Variants in EVC observed in about 807,000 individuals in gnomAD.
EVC encodes evC complex member EVC.
In EVC, 116 loss-of-function variants were observed where a neutral mutation model predicts 118.9. The ratio of observed to expected loss-of-function variants is 0.98; its 90% confidence interval spans 0.84 to 1.14. The LOEUF (loss-of-function observed/expected upper bound fraction) is 1.14, where lower values mean the gene tolerates loss of function less well. Among genes scored for constraint, EVC ranks in the 50% most tolerant of loss-of-function variants. EVC has a pLI of 0.00. For missense variants in EVC, 1,401 were observed against 1,246.4 expected (o/e 1.12, Z -1.87); for synonymous variants, 619 against 534.7 (o/e 1.16, Z -2.18).
At chr4:5,715,934 G>A (rs1326914695) in intron 1 of EVC, among the ~76,000 whole-genome samples, 1 of 152,018 alleles carries the variant, frequency 6.6e-6, no homozygotes. Context: ...AGTAGAGATG[G>A]GGTTTCACCA....
chr4:5,825,609 G>A, the EVC span: 6 of 1,605,412 alleles, frequency 3.7e-6, no homozygotes, highest in East Asian at 2.3e-5. This position sits in a 1 kb window ranked among gnomAD's most constrained non-coding sequence, Gnocchi z 4.4. Context: ...CTGGTACCTC[G>A]TACACAGGAC....
rs545578336 is a variant in EVC, at chr4:5,813,065, A to C, written c.*2028A>C. 2 of 152,174 alleles carry C rather than the reference A, an allele frequency of 1.3e-5. No individual in the cohort carries two copies. The highest frequency in any genetic ancestry group is 4.8e-5 in the African/African-American group (2 of 41,424). 9.4% of individuals were successfully genotyped at this position (152,174 alleles called of 1,614,324 possible). On this transcript the variant is annotated 3_prime_UTR_variant, in exon 21 of 21. Transcript: ENST00000264956. ...GACTCCTTCCCAGTGGCCAAAACTTAATCATCAGAGCGCTTCCTTCAGTTC... is the reference window on the plus strand; with the variant it reads ...GACTCCTTCCCAGTGGCCAAAACTTCATCATCAGAGCGCTTCCTTCAGTTC...
intron 12 of EVC, among the ~76,000 whole-genome samples, chr4:5,786,871 CA>C (rs375303542): frequency 2.8e-3 from 265 of 95,166 alleles, no homozygotes; most frequent in African/African-American, 6.7e-3. Flanking sequence ...GACTCCGTCT[CA>C]AAAAAAAAAA....
intron 5 of EVC, among the ~76,000 whole-genome samples, chr4:5,733,684 C>T (rs1028057062): frequency 1.3e-5 from 2 of 152,136 alleles, no homozygotes; most frequent in African/African-American, 4.8e-5. Context: ...AGATGAGTGC[C>T]TCCTCCCGGG....
chr4:5,825,838 G>T, the EVC span: 1 of 625,076 alleles, frequency 1.6e-6, no homozygotes. The surrounding 1 kb of genome is among the most constrained non-coding windows in gnomAD (Gnocchi z 4.4). Flanking sequence ...GCCGCACACA[G>T]GCATTCATAC....
intron 13 of EVC, among the ~76,000 whole-genome samples, chr4:5,794,190 T>G (rs1713321764): frequency 7.1e-6 from 1 of 140,712 alleles, no homozygotes; most frequent in African/African-American, 2.6e-5. Context: ...TCCAATTTGC[T>G]GGAAAGTATT....
At chr4:5,753,956 G>A in intron 10 of EVC, 23 bp downstream of exon 10, 7 of 1,612,298 alleles carry the variant, frequency 4.3e-6, no homozygotes, top group Non-Finnish European at 5.1e-6. Context: ...CCCAGCCTCT[G>A]CACATGTGGG....
chr4:5,768,635 T>G (rs1408167011), intron 11 of EVC, among the ~76,000 whole-genome samples: 2 of 151,918 alleles, frequency 1.3e-5, no homozygotes, highest in Admixed American at 6.6e-5. Flanking sequence ...GGCAAGCGGA[T>G]CACTTGAGGT....
intron 12 of EVC, among the ~76,000 whole-genome samples, chr4:5,785,706 A>G (rs1036770381): frequency 3.3e-5 from 5 of 152,238 alleles, no homozygotes; most frequent in Admixed American, 6.5e-5. Context: ...GACACCACCT[A>G]TTCAAAGCCC....
chr4:5,805,540 G>A (rs752721761), intron 17 of EVC, among the ~76,000 whole-genome samples: 15 of 152,202 alleles, frequency 9.9e-5, no homozygotes, highest in Non-Finnish European at 1.9e-4. Context: ...TCAGATGTGG[G>A]GCGCAGAAGC....
Position 5,719,466 on chromosome 4 carries a change from C to G in EVC, c.300+93C>G, listed in dbSNP as rs1046662800. The G allele has an allele frequency of 1.9e-6, 3 of 1,584,438 alleles. No individual in the cohort carries two copies. The African/African-American group carries it at 4.0e-5, about 21-fold the overall frequency. Reference sequence around the variant, plus strand: ...GGGTGTCATGTAGACAAGCCTCTGACAGATATAGTTTCCCAATGGGCTGCT... The same window carrying G: ...GGGTGTCATGTAGACAAGCCTCTGAGAGATATAGTTTCCCAATGGGCTGCT... On this transcript the variant is annotated intron_variant, in intron 2 of 20. Coordinates refer to ENST00000264956, the MANE Select transcript of EVC (RefSeq NM_153717.3). The surrounding 1 kb of genome is among the most constrained non-coding windows in gnomAD (Gnocchi z 4.7).
chr4:5,745,156 A>G, intron 6 of EVC, 48 bp from the exon 7 acceptor site: 1 of 1,583,002 alleles, frequency 6.3e-7, no homozygotes, highest in South Asian at 1.1e-5. Context: ...AAGACACGCT[A>G]AACTTTTTCT....
At chr4:5,769,015 T>C (rs545165235) in intron 11 of EVC, among the ~76,000 whole-genome samples, 1 of 152,144 alleles carries the variant, frequency 6.6e-6, no homozygotes, top group South Asian at 2.1e-4. Flanking sequence ...ATGACACTGA[T>C]CATGATATTG....
chr4:5,769,237 A>G (rs1428595853), intron 11 of EVC, among the ~76,000 whole-genome samples: 1 of 152,154 alleles, frequency 6.6e-6, no homozygotes, highest in Non-Finnish European at 1.5e-5. Flanking sequence ...AAGAGAGAGC[A>G]TGTGCAGGGG....
In EVC at chr4:5,778,928, T is replaced by C. The variant is rs1205813534; in HGVS notation, c.1564-4624T>C. 3.3e-5 allele frequency among the ~76,000 whole-genome samples: 5 copies of C among 152,256 alleles called. 1 individual carries two copies. Among genetic ancestry groups the C allele is most frequent in the South Asian group, 4.1e-4 (2 of 4,830 alleles). On this transcript the variant is annotated intron_variant, in intron 11 of 20. Transcript: ENST00000264956. Reference sequence around the variant, plus strand: ...GAAGTCCTTGCACATGCCTATGTCCTGAATGGTAATGCCTAGGTTTTCTTC... The same window carrying C: ...GAAGTCCTTGCACATGCCTATGTCCCGAATGGTAATGCCTAGGTTTTCTTC...
At chr4:5,763,592 A>C (rs377728194) in intron 11 of EVC, among the ~76,000 whole-genome samples, 1 of 126,862 alleles carries the variant, frequency 7.9e-6, no homozygotes, top group Admixed American at 8.9e-5. Flanking sequence ...AGTGGTTTGT[A>C]GTTCTCCTTG....
chr4:5,809,563 G>C lies in EVC; in HGVS notation c.2734G>C (p.Val912Leu). 1 of 1,614,220 alleles carries C rather than the reference G, an allele frequency of 6.2e-7. No homozygotes were observed. Among genetic ancestry groups the C allele is most frequent in the Non-Finnish European group, 8.5e-7 (1 of 1,180,046 alleles). ...CTCCGAGCTGGCAGCCTTGGCCCGA[G>C]TGCCCCTTGCTGAAAGCAAACTGTT... is the stretch of plus-strand genomic sequence containing the variant. ...FISELAALAR[V>L]PLAESKLLPA... Residue 912 changes from valine (V) to leucine (L), a missense_variant, in exon 19 of 21, where the codon GTG becomes CTG. Transcript: ENST00000264956.
intron 11 of EVC, among the ~76,000 whole-genome samples, chr4:5,769,990 C>T (rs1271520387): frequency 2.0e-5 from 3 of 152,120 alleles, no homozygotes; most frequent in Non-Finnish European, 4.4e-5. Flanking sequence ...CTGACAGCTG[C>T]TGTGCTCAGG....
At chr4:5,771,338 G>A (rs1225716244) in intron 11 of EVC, among the ~76,000 whole-genome samples, 1 of 152,126 alleles carries the variant, frequency 6.6e-6, no homozygotes, top group Non-Finnish European at 1.5e-5. Context: ...GGCTACTCCT[G>A]CCTCTGCTTC....
Sources: allele counts gnomAD v4.1 joint callset (sites outside exome capture counted in the v4.1 genomes callset), GRCh38; gene constraint gnomAD v4.1.1; non-coding constraint Gnocchi (gnomAD v3.1); transcripts MANE v1.5; gene names NCBI Gene and HGNC (gene_info 2026-07-23, HGNC 2026-07-21).